PLXNA2: variants seen among roughly 807,000 people sequenced by gnomAD.
The protein encoded by PLXNA2 is plexin A2.
PLXNA2 carries 91 observed loss-of-function variants against 193.5 expected under a neutral mutation model. The observed-to-expected ratio is 0.47, with a 90% CI of 0.40 to 0.56. The LOEUF is 0.56. PLXNA2 is among the 20% of genes least tolerant of loss of function. PLXNA2 has a pLI of 0.00. For missense variants in PLXNA2, 1,995 were observed against 2,503.2 expected, an observed-to-expected ratio of 0.80 and a Z score of 4.33; for synonymous variants, 997 against 1,027.3, an observed-to-expected ratio of 0.97 and a Z score of 0.56.
intron 8 of PLXNA2, 33 bp downstream of exon 8, chr1:208,095,996 C>T: frequency 6.5e-7 from 1 of 1,536,712 alleles, no homozygotes; most frequent in South Asian, 1.1e-5. Flanking sequence ...CACATCCAGA[C>T]CCAGAGCAAG....
chr1:208,127,570 T>C (rs551283275), intron 4 of PLXNA2, among the ~76,000 whole-genome samples: 12 of 152,260 alleles, frequency 7.9e-5, no homozygotes, highest in South Asian at 2.1e-4. Context: ...GAGAAATGCA[T>C]GGCTGGTCCC....
chr1:208,200,639 T>A (rs1405229752), intron 3 of PLXNA2, among the ~76,000 whole-genome samples: 1 of 144,948 alleles, frequency 6.9e-6, no homozygotes, highest in East Asian at 2.2e-4. Flanking sequence ...TCGCCTAGGC[T>A]GGTGTGCAGT....
At chr1:208,211,027 A>C (rs1049032376) in intron 2 of PLXNA2, among the ~76,000 whole-genome samples, 1 of 152,230 alleles carries the variant, frequency 6.6e-6, no homozygotes, top group Non-Finnish European at 1.5e-5. Flanking sequence ...CTAGCTCCCT[A>C]CTATCTTTCC....
At chr1:208,156,240 C>T (rs148639473) in intron 3 of PLXNA2, among the ~76,000 whole-genome samples, 1 of 152,256 alleles carries the variant, frequency 6.6e-6, no homozygotes, top group East Asian at 1.9e-4. Flanking sequence ...TATTAGGAAG[C>T]GAACGGCTTT....
chr1:208,084,039 A>C (rs7415350), intron 10 of PLXNA2, among the ~76,000 whole-genome samples: 11 of 152,246 alleles, frequency 7.2e-5, no homozygotes, highest in Non-Finnish European at 1.5e-4. Flanking sequence ...GCACGCCTGT[A>C]TCAAAACATC....
intron 1 of PLXNA2, among the ~76,000 whole-genome samples, chr1:208,232,251 C>A (rs554157542): frequency 4.6e-5 from 7 of 152,320 alleles, no homozygotes; most frequent in African/African-American, 1.7e-4. Flanking sequence ...CTCTCCCCAG[C>A]CGGCCCTTTA....
rs1671165254 is a variant in PLXNA2, at chr1:208,217,294, G to A, written c.629C>T (p.Ser210Leu). The change falls in exon 2 of 32, where the codon TCA (serine) becomes TTA (leucine). Residue 210 changes from serine (S) to leucine (L), a missense_variant. Around this residue, in one of 3 missense-constraint regions of PLXNA2, gnomAD observed 702 missense variants for 812.9 expected, o/e 0.86. Coordinates refer to ENST00000367033, the MANE Select transcript of PLXNA2 (RefSeq NM_025179.4). This position sits in a 1 kb window ranked among gnomAD's most constrained non-coding sequence, Gnocchi z 4.7. ...SRKLPRDPES[S>L]AMLDYELHSD... Reference sequence around the variant, plus strand: ...GTGTAGCTCATAGTCGAGCATGGCTGAGGACTCAGGGTCTCGGGGCAGCTT... The same window carrying A: ...GTGTAGCTCATAGTCGAGCATGGCTAAGGACTCAGGGTCTCGGGGCAGCTT... 1 of 1,614,164 alleles carries A rather than the reference G, an allele frequency of 6.2e-7. No homozygotes were observed. The highest frequency in any genetic ancestry group is 1.7e-5 in the Admixed American group (1 of 60,024).
intron 7 of PLXNA2, 138 bp from the exon 8 acceptor site, chr1:208,096,263 A>G (rs1464093179): frequency 1.5e-6 from 1 of 684,496 alleles, no homozygotes; most frequent in East Asian, 2.6e-5. Context: ...ACCTGCCTGA[A>G]TCGTCTCTTC....
intron 3 of PLXNA2, among the ~76,000 whole-genome samples, chr1:208,145,397 G>C (rs367991175): frequency 6.6e-6 from 1 of 152,214 alleles, no homozygotes; most frequent in South Asian, 2.1e-4. Flanking sequence ...AGCCTGGTCT[G>C]GGATCTCCTG....
chr1:208,161,304 T>G (rs1337481037), intron 3 of PLXNA2, among the ~76,000 whole-genome samples: 1 of 152,156 alleles, frequency 6.6e-6, no homozygotes, highest in African/African-American at 2.4e-5. Flanking sequence ...AATCCCCTTC[T>G]CACCTCTCCC....
At chr1:208,138,274 G>A (rs1668360048) in intron 4 of PLXNA2, among the ~76,000 whole-genome samples, 1 of 152,186 alleles carries the variant, frequency 6.6e-6, no homozygotes, top group Non-Finnish European at 1.5e-5. Context: ...TTCATTACAT[G>A]AGATATTCAA....
At chr1:208,118,227 TA>T (rs1267225936) in intron 4 of PLXNA2, among the ~76,000 whole-genome samples, 1 of 152,158 alleles carries the variant, frequency 6.6e-6, no homozygotes, top group Non-Finnish European at 1.5e-5. Context: ...TAAAATTGTT[TA>T]AAAAAAGAAA....
chr1:208,227,825 A>T (rs1167843839), intron 1 of PLXNA2, among the ~76,000 whole-genome samples: 1 of 152,156 alleles, frequency 6.6e-6, no homozygotes, highest in Non-Finnish European at 1.5e-5. Context: ...AGAGCCAGGG[A>T]CTCTTCGAGG....
intron 13 of PLXNA2, among the ~76,000 whole-genome samples, chr1:208,057,702 T>C (rs1245464820): frequency 6.6e-6 from 1 of 152,194 alleles, no homozygotes; most frequent in Non-Finnish European, 1.5e-5. Flanking sequence ...AGACAATCGC[T>C]GGAGATGCCT....
chr1:208,137,403 C>G (rs1215779705), intron 4 of PLXNA2, among the ~76,000 whole-genome samples: 1 of 152,216 alleles, frequency 6.6e-6, no homozygotes, highest in Non-Finnish European at 1.5e-5. Flanking sequence ...GCCAGCCTGA[C>G]AAGTTGGGTG....
chr1:208,175,118 C>G (rs534616182), intron 3 of PLXNA2, among the ~76,000 whole-genome samples: 1 of 152,246 alleles, frequency 6.6e-6, no homozygotes, highest in South Asian at 2.1e-4. Flanking sequence ...ACTGGCTGAT[C>G]CTGCAGGAAT....
chr1:208,205,269 T>C (rs968987101), intron 3 of PLXNA2, among the ~76,000 whole-genome samples: 1 of 152,196 alleles, frequency 6.6e-6, no homozygotes, highest in African/African-American at 2.4e-5. Flanking sequence ...CTCCATCTGC[T>C]TTGGTGTTTG....
rs1040467279 is a variant in PLXNA2 at position 208,046,108 on chromosome 1, C to T, written c.3265G>A (p.Val1089Ile). The T allele has an allele frequency of 6.2e-7, 1 of 1,613,962 alleles. No individual in the cohort carries two copies. ...CAGGTGAGGGTGGTTGTGTTCACAACTTTACACACCTAAGAGATCCAGAGC... is the reference window on the plus strand; with the variant it reads ...CAGGTGAGGGTGGTTGTGTTCACAATTTTACACACCTAAGAGATCCAGAGC... ...NGKESVNVCKVVNTTTLTCLA... is the reference protein window; with the variant it reads ...NGKESVNVCKIVNTTTLTCLA... The change falls in exon 18 of 32, where the codon GTT becomes ATT. Residue 1089 changes from valine to isoleucine, a missense_variant. Coordinates refer to ENST00000367033, the MANE Select transcript of PLXNA2 (RefSeq NM_025179.4).
At chr1:208,029,663 G>T in intron 29 of PLXNA2, 1 of 987,054 alleles carries the variant, frequency 1.0e-6, no homozygotes, top group Middle Eastern at 5.2e-4. Context: ...GCCATTGTTG[G>T]CATCCTGGGA....
Sources: gnomAD v4.1 joint callset for allele counts (sites outside exome capture counted in the v4.1 genomes callset) on GRCh38, gnomAD v4.1.1 for gene constraint, gnomAD v4.1.1 regional missense constraint, Gnocchi (gnomAD v3.1) non-coding constraint, MANE v1.5 for transcripts, NCBI Gene and HGNC (gene_info 2026-07-23, HGNC 2026-07-21) for gene names.